The following ASIC4 variants were observed in gnomAD, a reference collection of about 807,000 sequenced individuals.
ASIC4 encodes the protein acid-sensing ion channel 4.
ASIC4 carries 28 observed loss-of-function variants against 53.4 expected under a neutral mutation model. The ratio of observed to expected loss-of-function variants is 0.52; its 90% confidence interval spans 0.39 to 0.72. ASIC4 has a LOEUF of 0.72. Ranked by LOEUF, ASIC4 falls within the 30% of genes least tolerant of loss-of-function variation. The probability of loss-of-function intolerance (pLI) is 0.00; values close to 1 mark genes in which losing one functional copy is unlikely to be tolerated. For synonymous variants in ASIC4, 289 were observed against 301.4 expected, an observed-to-expected ratio of 0.96 and a Z score of 0.43; for missense variants, 649 against 729.7, an observed-to-expected ratio of 0.89 and a Z score of 1.27.
At chr2:219,535,146 T>G (rs748405908) in intron 5 of ASIC4, 25 bp from the exon 6 acceptor site, 2 of 1,601,716 alleles carry the variant, frequency 1.2e-6, no homozygotes, top group Non-Finnish European at 1.7e-6. Context: ...CAACTCCCAC[T>G]GTAGCTGCTA....
Position 219,516,340 on chromosome 2 carries a change from C to T in ASIC4, c.582+1034C>T, listed in dbSNP as rs529174265. Among the ~76,000 whole-genome samples the T allele has an allele frequency of 2.2e-4, 33 of 152,282 alleles. No homozygotes were observed. The highest frequency in any genetic ancestry group is 4.2e-4 in the South Asian group (2 of 4,818). On this transcript the variant is annotated intron_variant, in intron 1 of 9. Transcript: ENST00000358078. This position sits in a 1 kb window ranked among gnomAD's most constrained non-coding sequence, Gnocchi z 4.9. Reference sequence around the variant, plus strand: ...GACTGCTGGCGCCATCTGTCACCTACGTGTGAGCACAAACACAAGCACCCT... The same window carrying T: ...GACTGCTGGCGCCATCTGTCACCTATGTGTGAGCACAAACACAAGCACCCT...
intron 1 of ASIC4, among the ~76,000 whole-genome samples, chr2:219,524,023 A>G (rs1323102411): frequency 1.3e-5 from 2 of 152,052 alleles, no homozygotes; most frequent in Admixed American, 6.6e-5. Context: ...AGGTCTCGCT[A>G]TGTTGCCTAG....
Position 219,537,225 on chromosome 2 carries a change from G to T in ASIC4, c.1322-17G>T, listed in dbSNP as rs777185823. The stretch of plus-strand genomic sequence containing the variant: ...CGGCCCGGCCGCTCCCTCTGACACT[G>T]CTCTCCTGCTTCCCAGGAGACCTCG... On this transcript the variant is annotated splice_polypyrimidine_tract_variant and intron_variant, in intron 7 of 9. Transcript: ENST00000358078. This position sits in a 1 kb window ranked among gnomAD's most constrained non-coding sequence, Gnocchi z 4.9. 9.9e-6 allele frequency: 16 copies of T among 1,612,764 alleles called. No homozygotes were observed. In the East Asian group the frequency reaches 3.6e-4, roughly 36 times the overall value.
chr2:219,521,705 C>T (rs1007072792), intron 1 of ASIC4, among the ~76,000 whole-genome samples: 3 of 150,716 alleles, frequency 2.0e-5, no homozygotes, highest in Non-Finnish European at 1.5e-5. Context: ...GGACAGAGGC[C>T]GGCCTCAGGC....
Position 219,536,941 on chromosome 2 carries a change from C to CG in ASIC4, c.1230-119dup, listed in dbSNP as rs903059309. On this transcript the variant is annotated intron_variant, in intron 6 of 9. Coordinates refer to ENST00000358078, the MANE Select transcript of ASIC4 (RefSeq NM_018674.6). The surrounding 1 kb of genome is among the most constrained non-coding windows in gnomAD (Gnocchi z 4.6). ...CCTCCCCTCACAGCCTTGGGGAGTC[C>CG]GGGGGGTAGTCACTGACTTCCCCAT... The CG allele has an allele frequency of 1.3e-5, 10 of 789,038 alleles. No individual in the cohort carries two copies. Among genetic ancestry groups the CG allele is most frequent in the African/African-American group, 1.0e-4 (6 of 58,562 alleles). 48.9% of individuals were successfully genotyped at this position (789,038 alleles called of 1,614,324 possible).
intron 5 of ASIC4, 35 bp from the exon 6 acceptor site, chr2:219,535,136 C>T: frequency 6.3e-7 from 1 of 1,591,830 alleles, no homozygotes; most frequent in South Asian, 1.1e-5. Context: ...CACCCTTCTC[C>T]AACTCCCACT....
At chr2:219,528,417 G>A (rs1022508139) in intron 1 of ASIC4, among the ~76,000 whole-genome samples, 22 of 151,910 alleles carry the variant, frequency 1.4e-4, no homozygotes, top group African/African-American at 4.8e-4. Context: ...AGAGACGGGA[G>A]TTTCACCATA....
Position 219,537,943 on chromosome 2 carries a change from C to G in ASIC4, c.1517C>G (p.Pro506Arg), listed in dbSNP as rs6436153. ...TTCTTTCTCCTGCAGAGTCCCTGCC[C>G]GAGCCGGGGCCGAGTGGAGGGTGGG... Reference protein sequence around the residue: ...LQELKEQSPCPSRGRVEGGGV... With the variant: ...LQELKEQSPCRSRGRVEGGGV... Residue 506 changes from proline (P) to arginine (R), a missense_variant, in exon 10 of 10, where the codon CCG becomes CGG. Pro to Arg is a moderately radical substitution (Grantham distance 103). Transcript: ENST00000358078. The surrounding 1 kb of genome is among the most constrained non-coding windows in gnomAD (Gnocchi z 4.9). 2.5e-6 allele frequency: 4 copies of G among 1,608,278 alleles called. No individual in the cohort carries two copies. In the Admixed American group the frequency reaches 5.1e-5, roughly 20 times the overall value.
At position 219,531,815 on chromosome 2, in the gene ASIC4, C is replaced by A. The variant is rs747474924; in HGVS notation, c.640C>A (p.Pro214Thr). The change falls in exon 2 of 10, where the codon CCC (proline) becomes ACC (threonine). Residue 214 changes from proline to threonine, a missense_variant. Coordinates refer to ENST00000358078, the MANE Select transcript of ASIC4 (RefSeq NM_018674.6). ...TFNADPRSSL[P>T]SRAGGMGSGL... ...CAACGCGGACCCGCGGAGCTCGCTGCCCAGCCGGGCAGGGGGCATGGGCAG... is the reference window on the plus strand; with the variant it reads ...CAACGCGGACCCGCGGAGCTCGCTGACCAGCCGGGCAGGGGGCATGGGCAG... 16 of 1,613,552 alleles carry A rather than the reference C, an allele frequency of 9.9e-6. No homozygotes were observed. Among genetic ancestry groups the A allele is most frequent in the Middle Eastern group, 1.7e-4 (1 of 6,060 alleles).
intron 6 of ASIC4, among the ~76,000 whole-genome samples, chr2:219,535,602 G>C (rs1027203208): frequency 2.0e-5 from 3 of 151,352 alleles, no homozygotes; most frequent in African/African-American, 7.3e-5. Context: ...TCTGTGAATG[G>C]GTATGTGTGT....
At position 219,514,649 on chromosome 2, in the gene ASIC4, C is replaced by G; in HGVS notation, c.-76C>G. 8.1e-6 allele frequency: 13 copies of G among 1,612,586 alleles called. No individual in the cohort carries two copies. Among genetic ancestry groups the G allele is most frequent in the Non-Finnish European group, 1.1e-5 (13 of 1,179,448 alleles). ...AGCAGCCGCTGCCACCACTGCCACTCGGGAGGGCACCAGGGCTGCTGGCTA... is the reference window on the plus strand; with the variant it reads ...AGCAGCCGCTGCCACCACTGCCACTGGGGAGGGCACCAGGGCTGCTGGCTA... On this transcript the variant is annotated 5_prime_UTR_variant, in exon 1 of 10. Transcript: ENST00000358078.
At chr2:219,526,699 G>A (rs761173118) in intron 1 of ASIC4, among the ~76,000 whole-genome samples, 1 of 152,140 alleles carries the variant, frequency 6.6e-6, no homozygotes, top group Non-Finnish European at 1.5e-5. Flanking sequence ...CTAAAGGGGA[G>A]GTGATCAGAG....
At chr2:219,533,007 A>T in intron 5 of ASIC4, 68 bp downstream of exon 5, 1 of 1,494,540 alleles carries the variant, frequency 6.7e-7, no homozygotes, top group Non-Finnish European at 9.3e-7. Context: ...TCTTCTCCTC[A>T]CTGTCTTGGA....
chr2:219,510,966 T>C (rs1694693738), upstream of ASIC4, among the ~76,000 whole-genome samples: 1 of 151,974 alleles, frequency 6.6e-6, no homozygotes, highest in East Asian at 1.9e-4. The surrounding 1 kb of genome is among the most constrained non-coding windows in gnomAD (Gnocchi z 5.2). Context: ...TTGTCACCGC[T>C]GTGTGCTCAC....
At chr2:219,514,334 T>A, upstream of ASIC4, 1 of 1,536,570 alleles carries the variant, frequency 6.5e-7, no homozygotes, top group Non-Finnish European at 8.8e-7. Context: ...TGGGGAGGGC[T>A]CCGGAGCACA....
At chr2:219,523,059 C>A (rs61191042) in intron 1 of ASIC4, among the ~76,000 whole-genome samples, 1 of 151,734 alleles carries the variant, frequency 6.6e-6, no homozygotes, top group East Asian at 2.0e-4. Context: ...TCCTGGCAGG[C>A]GCACACCCAC....
chr2:219,520,854 T>A (rs1200336797), intron 1 of ASIC4, among the ~76,000 whole-genome samples: 1 of 152,224 alleles, frequency 6.6e-6, no homozygotes, highest in Non-Finnish European at 1.5e-5. Flanking sequence ...TGAAGACCAC[T>A]TAGTCTTGAA....
chr2:219,532,751 G>T, intron 4 of ASIC4, 132 bp from the exon 5 acceptor site: 1 of 943,650 alleles, frequency 1.1e-6, no homozygotes. Context: ...TGGGGGTTGT[G>T]TGTGTGGTGT....
chr2:219,511,306 C>G (rs1694698192), upstream of ASIC4, among the ~76,000 whole-genome samples: 1 of 151,990 alleles, frequency 6.6e-6, no homozygotes. This position sits in a 1 kb window ranked among gnomAD's most constrained non-coding sequence, Gnocchi z 5.3. Context: ...GGCACTTTGC[C>G]CAAACAAAAT....
Sources: allele counts gnomAD v4.1 joint callset (sites outside exome capture counted in the v4.1 genomes callset), GRCh38; gene constraint gnomAD v4.1.1; non-coding constraint Gnocchi (gnomAD v3.1); transcripts MANE v1.5; gene names NCBI Gene and HGNC (gene_info 2026-07-23, HGNC 2026-07-21).